Variants in FAM81A observed in about 807,000 individuals in gnomAD.
The protein encoded by FAM81A is family with sequence similarity 81 member A.
Under a neutral mutation model 46.7 loss-of-function variants are expected in FAM81A, and 19 were observed. The ratio of observed to expected loss-of-function variants is 0.41; its 90% CI spans 0.28 to 0.60. The LOEUF (loss-of-function observed/expected upper bound fraction) is 0.60, where lower values mean the gene tolerates loss of function less well. Among genes scored for constraint, FAM81A ranks in the 20% least tolerant of loss-of-function variants. The pLI is 0.34. For synonymous variants in FAM81A, 183 were observed against 152.9 expected, an observed-to-expected ratio of 1.20 and a Z score of -1.45; for missense variants, 377 against 453.5, an observed-to-expected ratio of 0.83 and a Z score of 1.53.
chr15:59,515,350 T>G (rs73417099), intron 7 of FAM81A, among the ~76,000 whole-genome samples: 1 of 152,232 alleles, frequency 6.6e-6, no homozygotes, highest in African/African-American at 2.4e-5. Flanking sequence ...TAGCATGACA[T>G]CTCTGTCTCC....
chr15:59,519,228 G>A (rs1230827091), intron 8 of FAM81A, among the ~76,000 whole-genome samples: 5 of 150,062 alleles, frequency 3.3e-5, no homozygotes, highest in African/African-American at 1.2e-4. Flanking sequence ...TTGCTCTGTC[G>A]CCCAGGCTGG....
chr15:59,514,217 A>G (rs1339943397), intron 6 of FAM81A, 72 bp from the exon 7 acceptor site: 2 of 1,402,624 alleles, frequency 1.4e-6, no homozygotes, highest in Non-Finnish European at 1.9e-6. Flanking sequence ...CTCAACATGT[A>G]CCCTGGAACT....
At chr15:59,426,152 T>A (rs1474803950) in intron 2 of FAM81A, among the ~76,000 whole-genome samples, 3 of 152,138 alleles carry the variant, frequency 2.0e-5, no homozygotes, top group African/African-American at 7.2e-5. Flanking sequence ...TTGAATTGTC[T>A]CCAAAACAGA....
chr15:59,443,680 A>T (rs1354588227), intron 1 of FAM81A, among the ~76,000 whole-genome samples: 1 of 152,132 alleles, frequency 6.6e-6, no homozygotes, highest in Admixed American at 6.5e-5. Flanking sequence ...ACCTGGGGTT[A>T]TTCTGACTTT....
intron 3 of FAM81A, among the ~76,000 whole-genome samples, chr15:59,472,709 C>G (rs1471701205): frequency 6.6e-6 from 1 of 152,008 alleles, no homozygotes; most frequent in Non-Finnish European, 1.5e-5. Flanking sequence ...GGCCACCATG[C>G]CCAGCTAATT....
intron 6 of FAM81A, among the ~76,000 whole-genome samples, chr15:59,509,325 T>G (rs1454421139): frequency 2.6e-5 from 4 of 152,218 alleles, no homozygotes; most frequent in African/African-American, 9.6e-5. Context: ...TACTATATTA[T>G]TGCTAATGGT....
At chr15:59,517,539 C>G (rs985179572) in intron 8 of FAM81A, among the ~76,000 whole-genome samples, 1 of 152,130 alleles carries the variant, frequency 6.6e-6, no homozygotes, top group Non-Finnish European at 1.5e-5. Context: ...AGGAAGAAGA[C>G]GTTCCTGTAG....
intron 3 of FAM81A, among the ~76,000 whole-genome samples, chr15:59,473,409 A>G (rs945180101): frequency 6.6e-6 from 1 of 152,226 alleles, no homozygotes; most frequent in Non-Finnish European, 1.5e-5. Flanking sequence ...TATCAGATCA[A>G]AAAAACATAG....
In FAM81A at chr15:59,492,336, C is replaced by G. The variant is rs371644698; in HGVS notation, c.360C>G (p.Thr120=). 377 of 1,613,758 alleles carry G rather than the reference C, an allele frequency of 2.3e-4. 2 individuals are homozygous for G. In the African/African-American group the frequency reaches 4.6e-3, roughly 20 times the overall value. The change falls in exon 4 of 9, where the codon ACC becomes ACG. Residue 120 remains threonine, a synonymous_variant. Coordinates refer to ENST00000288228, the MANE Select transcript of FAM81A (RefSeq NM_152450.3). ...ISYGTNSALK[T]LEMRQLSGLG... ...ATGGAACTAATTCTGCCTTAAAGAC[C>G]CTGGAGATGCGCCAGCTCTCCGGTT...
intron 3 of FAM81A, among the ~76,000 whole-genome samples, chr15:59,482,997 A>T (rs951884870): frequency 1.3e-5 from 2 of 152,038 alleles, no homozygotes; most frequent in African/African-American, 4.8e-5. Context: ...GCTGGAAGCT[A>T]CAGAAATAAT....
intron 3 of FAM81A, among the ~76,000 whole-genome samples, chr15:59,488,049 A>G (rs1303912008): frequency 6.6e-6 from 1 of 152,210 alleles, no homozygotes; most frequent in Non-Finnish European, 1.5e-5. Context: ...GAATTCAGCA[A>G]CATGTTAAAA....
intron 2 of FAM81A, 99 bp from the exon 3 acceptor site, chr15:59,459,834 A>AT (rs778269069): frequency 2.1e-6 from 3 of 1,426,708 alleles, no homozygotes; most frequent in Non-Finnish European, 2.8e-6. Flanking sequence ...GCTTGTAGTT[A>AT]TAGATAATTT....
intron 2 of FAM81A, among the ~76,000 whole-genome samples, chr15:59,421,001 G>GA (rs2081168399): frequency 0.17 from 2 of 12 alleles, 1 homozygote. Flanking sequence ...TTACAGGCGT[G>GA]AGCCACCGCG....
intron 2 of FAM81A, among the ~76,000 whole-genome samples, chr15:59,431,722 C>G (rs1567041429): frequency 6.6e-6 from 1 of 152,136 alleles, no homozygotes; most frequent in Non-Finnish European, 1.5e-5. Context: ...AATAACTTGC[C>G]CAAGCACATA....
intron 6 of FAM81A, 77 bp downstream of exon 6, chr15:59,509,046 T>C: frequency 8.9e-7 from 1 of 1,127,802 alleles, no homozygotes; most frequent in Non-Finnish European, 1.2e-6. Context: ...TTTTTTCCTC[T>C]TGGTTTTTAT....
At chr15:59,518,168 A>G (rs1169933145) in intron 8 of FAM81A, among the ~76,000 whole-genome samples, 2 of 149,946 alleles carry the variant, frequency 1.3e-5, no homozygotes, top group East Asian at 1.9e-4. Flanking sequence ...AATAGAAACA[A>G]GGTTTCACCA....
At chr15:59,434,782 A>G (rs544959237), upstream of FAM81A, among the ~76,000 whole-genome samples, 1 of 152,062 alleles carries the variant, frequency 6.6e-6, no homozygotes, top group East Asian at 1.9e-4. Context: ...CAAAGTGCTA[A>G]CTCTTTATCC....
chr15:59,509,079 T>G, intron 6 of FAM81A, 110 bp downstream of exon 6: 1 of 803,610 alleles, frequency 1.2e-6, no homozygotes, highest in Non-Finnish European at 1.9e-6. Context: ...TTGAAAACAA[T>G]AATGGAAGTT....
chr15:59,502,065 A>C (rs2082096777), intron 4 of FAM81A, among the ~76,000 whole-genome samples: 1 of 151,824 alleles, frequency 6.6e-6, no homozygotes, highest in Non-Finnish European at 1.5e-5. Context: ...AATTGTTAAC[A>C]ATATGTCACA....
Sources: allele counts gnomAD v4.1 joint callset (sites outside exome capture counted in the v4.1 genomes callset), GRCh38; gene constraint gnomAD v4.1.1; transcripts MANE v1.5; gene names NCBI Gene and HGNC (gene_info 2026-07-23, HGNC 2026-07-21).